Variants in ACO2 observed in about 807,000 individuals in gnomAD.
ACO2 encodes aconitate hydratase, mitochondrial.
Under a neutral mutation model 84.5 loss-of-function variants are expected in ACO2, and 31 were observed. The ratio of observed to expected loss-of-function variants is 0.37; its 90% CI spans 0.28 to 0.50. The LOEUF is 0.50. ACO2 is among the 20% of genes least tolerant of loss of function. The pLI is 0.97. For missense variants in ACO2, 685 were observed against 1,029.3 expected, an observed-to-expected ratio of 0.67 and a Z score of 4.58; for synonymous variants, 414 against 412.7, an observed-to-expected ratio of 1.00 and a Z score of -0.04.
chr22:41,485,555 C>T (rs1244735033), intron 1 of ACO2, among the ~76,000 whole-genome samples: 1 of 151,210 alleles, frequency 6.6e-6, no homozygotes, highest in Non-Finnish European at 1.5e-5. Context: ...ATTCTCCTGC[C>T]TCAGCCTCTC....
chr22:41,515,925 A>T lies in ACO2; in HGVS notation c.835+8A>T. ...ACTCCATCTCCTGCACTGGTGAGGA[A>T]GGCGGCCAGGCGACGTGGCCCCTAC... On this transcript the variant is annotated splice_region_variant and intron_variant, in intron 6 of 17. Coordinates refer to ENST00000216254, the MANE Select transcript of ACO2 (RefSeq NM_001098.3). This position sits in a 1 kb window ranked among gnomAD's most constrained non-coding sequence, Gnocchi z 5.8. 6.2e-7 allele frequency: 1 copy of T among 1,612,318 alleles called. No individual in the cohort carries two copies. The highest frequency in any genetic ancestry group is 8.5e-7 in the Non-Finnish European group (1 of 1,179,108).
intron 1 of ACO2, among the ~76,000 whole-genome samples, chr22:41,478,403 C>CA (rs2038045677): frequency 6.6e-6 from 1 of 152,088 alleles, no homozygotes; most frequent in Non-Finnish European, 1.5e-5. Context: ...CCCAGCTTCC[C>CA]AAAATATTGA....
At position 41,528,508 on chromosome 22, in the gene ACO2, C is replaced by T. The variant is rs746682822; in HGVS notation, c.2238C>T (p.Asn746=). The stretch of plus-strand genomic sequence containing the variant: ...TGAAGTGCATCATCAAGCACCCCAA[C>T]GGGACCCAGGAGACCATCCTCCTGA... ...KPLKCIIKHP[N]GTQETILLNH... The change falls in exon 18 of 18, where the codon AAC becomes AAT. Residue 746 remains asparagine, a synonymous_variant. Coordinates refer to ENST00000216254, the MANE Select transcript of ACO2 (RefSeq NM_001098.3). 2.9e-5 allele frequency: 47 copies of T among 1,612,466 alleles called. No individual in the cohort carries two copies. Among genetic ancestry groups the T allele is most frequent in the Non-Finnish European group, 3.6e-5 (43 of 1,180,034 alleles).
chr22:41,488,016 A>G (rs949739729), intron 1 of ACO2, among the ~76,000 whole-genome samples: 3 of 152,178 alleles, frequency 2.0e-5, no homozygotes, highest in African/African-American at 7.2e-5. Flanking sequence ...GAACTCAAAC[A>G]TGATCTGGTT....
chr22:41,474,996 A>G (rs1342383512), intron 1 of ACO2, among the ~76,000 whole-genome samples: 2 of 152,014 alleles, frequency 1.3e-5, no homozygotes, highest in African/African-American at 2.4e-5. Flanking sequence ...CAGGTGAGAA[A>G]GCCAGATGAC....
chr22:41,517,609 C>T lies in ACO2; in HGVS notation c.918C>T (p.Tyr306=). 4 of 1,614,090 alleles carry T rather than the reference C, an allele frequency of 2.5e-6. No homozygotes were observed. The highest frequency in any genetic ancestry group is 1.3e-5 in the African/African-American group (1 of 75,074). ...VFPYNHRMKK[Y]LSKTGREDIA... Reference sequence around the variant, plus strand: ...CTTACAACCACAGGATGAAGAAGTACCTGAGCAAGACCGGCCGGGAAGGTG... The same window carrying T: ...CTTACAACCACAGGATGAAGAAGTATCTGAGCAAGACCGGCCGGGAAGGTG... Residue 306 remains tyrosine (Y), a synonymous_variant, in exon 7 of 18, where the codon TAC becomes TAT. Coordinates refer to ENST00000216254, the MANE Select transcript of ACO2 (RefSeq NM_001098.3).
intron 2 of ACO2, among the ~76,000 whole-genome samples, chr22:41,505,492 G>T (rs961079404): frequency 3.3e-5 from 5 of 151,988 alleles, no homozygotes; most frequent in African/African-American, 1.2e-4. Context: ...CCCTATTCCA[G>T]ATTCCAGGTG....
At chr22:41,496,720 G>T (rs893612568) in intron 1 of ACO2, among the ~76,000 whole-genome samples, 1 of 152,174 alleles carries the variant, frequency 6.6e-6, no homozygotes, top group African/African-American at 2.4e-5. Context: ...ACCCAGTGAG[G>T]CAGGCAGTGA....
In ACO2 at chr22:41,506,427, G is replaced by A. The variant is rs967622212; in HGVS notation, c.174-1364G>A. Among the ~76,000 whole-genome samples the A allele has an allele frequency of 3.3e-5, 5 of 151,994 alleles. No individual in the cohort carries two copies. In the East Asian group the frequency reaches 9.7e-4, roughly 29 times the overall value. On this transcript the variant is annotated intron_variant, in intron 2 of 17. Coordinates refer to ENST00000216254, the MANE Select transcript of ACO2 (RefSeq NM_001098.3). ...GCCACCACGCCTGGCTAATTTTTTTGTATTTTTAGTAGAGACAGTGTTTCA... is the reference window on the plus strand; with the variant it reads ...GCCACCACGCCTGGCTAATTTTTTTATATTTTTAGTAGAGACAGTGTTTCA...
intron 2 of ACO2, among the ~76,000 whole-genome samples, chr22:41,501,966 A>G (rs145150835): frequency 2.3e-3 from 347 of 152,166 alleles, no homozygotes; most frequent in Non-Finnish European, 3.6e-3. Flanking sequence ...GACACACATT[A>G]TTTCTGTTCT....
intron 2 of ACO2, among the ~76,000 whole-genome samples, chr22:41,505,192 G>A (rs1453769536): frequency 6.6e-6 from 1 of 152,028 alleles, no homozygotes; most frequent in Admixed American, 6.6e-5. Flanking sequence ...GATCATGTGA[G>A]CCTAGGAGTT....
intron 6 of ACO2, 105 bp downstream of exon 6, chr22:41,516,022 G>T: frequency 2.1e-6 from 3 of 1,451,740 alleles, no homozygotes; most frequent in Non-Finnish European, 2.8e-6. Context: ...GAATCTGTCT[G>T]TTCCATTTGG....
At chr22:41,497,088 A>T (rs996458619) in intron 1 of ACO2, among the ~76,000 whole-genome samples, 4 of 150,312 alleles carry the variant, frequency 2.7e-5, no homozygotes, top group African/African-American at 9.8e-5. Context: ...TTTTTTTTCG[A>T]GACGGAGTTT....
chr22:41,507,765 C>T, intron 2 of ACO2, 26 bp from the exon 3 acceptor site: 1 of 1,600,836 alleles, frequency 6.2e-7, no homozygotes, highest in Non-Finnish European at 8.5e-7. Flanking sequence ...TAGCACCAGG[C>T]CACCCTTCTG....
At chr22:41,514,428 C>G (rs934801869) in intron 4 of ACO2, among the ~76,000 whole-genome samples, 7 of 152,182 alleles carry the variant, frequency 4.6e-5, no homozygotes, top group African/African-American at 1.4e-4. Flanking sequence ...GATGTGAGCA[C>G]GATTGTTAGC....
At chr22:41,525,441 GCA>G in intron 14 of ACO2, 93 bp downstream of exon 14, 3 of 1,499,658 alleles carry the variant, frequency 2.0e-6, no homozygotes, top group East Asian at 2.3e-5. Flanking sequence ...GAGGAAGTGA[GCA>G]CAGTCAAGAC....
At chr22:41,527,053 T>G (rs1569025053) in intron 15 of ACO2, 4 of 606,268 alleles carry the variant, frequency 6.6e-6, no homozygotes, top group Middle Eastern at 4.5e-4. Flanking sequence ...GGCTTCTGTC[T>G]TCTTTGCCAC....
chr22:41,487,335 C>T (rs1400230153), intron 1 of ACO2, among the ~76,000 whole-genome samples: 1 of 152,226 alleles, frequency 6.6e-6, no homozygotes, highest in Non-Finnish European at 1.5e-5. Flanking sequence ...CTGGATTAAG[C>T]TGTCCAGCTT....
chr22:41,494,620 A>T (rs2066299053), intron 1 of ACO2, among the ~76,000 whole-genome samples: 1 of 151,952 alleles, frequency 6.6e-6, no homozygotes, highest in South Asian at 2.1e-4. Context: ...CACGTTGGTC[A>T]GGCTGGTCTT....
Sources: allele counts gnomAD v4.1 joint callset (sites outside exome capture counted in the v4.1 genomes callset), GRCh38; gene constraint gnomAD v4.1.1; non-coding constraint Gnocchi (gnomAD v3.1); transcripts MANE v1.5; gene names NCBI Gene and HGNC (gene_info 2026-07-23, HGNC 2026-07-21).